The following SREK1 variants were observed in gnomAD, a reference collection of about 807,000 sequenced individuals.
SREK1 encodes the protein splicing regulatory glutamic acid and lysine rich protein 1.
A neutral mutation model predicts 66.5 loss-of-function variants in SREK1; 13 were observed. That is an observed-to-expected ratio of 0.20 (90% CI 0.13 to 0.31). SREK1 has a LOEUF of 0.31. Among genes scored for constraint, SREK1 ranks in the 10% least tolerant of loss-of-function variants. The probability of loss-of-function intolerance (pLI) is 1.00; values close to 1 mark genes in which losing one functional copy is unlikely to be tolerated. For synonymous variants in SREK1, 265 were observed against 263.5 expected, an observed-to-expected ratio of 1.01 and a Z score of -0.05; for missense variants, 607 against 769.6, an observed-to-expected ratio of 0.79 and a Z score of 2.50.
At chr5:66,155,503 G>A (rs1171660491) in intron 2 of SREK1, among the ~76,000 whole-genome samples, 2 of 152,164 alleles carry the variant, frequency 1.3e-5, no homozygotes, top group Non-Finnish European at 2.9e-5. Flanking sequence ...TACTAAAAAA[G>A]ATAGCAGAGT....
In SREK1 at chr5:66,181,000, A is replaced by G. The variant is rs1329457908; in HGVS notation, c.*2132A>G. On this transcript the variant is annotated 3_prime_UTR_variant, in exon 12 of 12. Transcript: ENST00000334121. The stretch of plus-strand genomic sequence containing the variant: ...ATGTTTGTGTGGTGTCTATAAAACA[A>G]GTCATTTAAAGTATGAGTGTTTTCT... 1 of 152,190 alleles carries G rather than the reference A, an allele frequency of 6.6e-6. No individual in the cohort carries two copies. Among genetic ancestry groups the G allele is most frequent in the Non-Finnish European group, 1.5e-5 (1 of 68,022 alleles). 9.4% of individuals were successfully genotyped at this position (152,190 alleles called of 1,614,324 possible). A position where few individuals can be genotyped will look rare whatever the true frequency, so the allele number is the denominator to read the frequency against.
chr5:66,176,979 T>C (rs972197898), intron 10 of SREK1, among the ~76,000 whole-genome samples: 1 of 152,090 alleles, frequency 6.6e-6, no homozygotes, highest in African/African-American at 2.4e-5. Context: ...ATGCAGGCCA[T>C]GTTTGTATTT....
chr5:66,164,697 T>C (rs747359481), intron 6 of SREK1, 86 bp from the exon 7 acceptor site: 8 of 1,609,972 alleles, frequency 5.0e-6, no homozygotes, highest in Non-Finnish European at 6.8e-6. Context: ...TTGCACTATA[T>C]GTGGTACATT....
At chr5:66,163,755 GGTGT>G in intron 5 of SREK1, 33 bp from the exon 6 acceptor site, 2 of 1,580,274 alleles carry the variant, frequency 1.3e-6, no homozygotes, top group South Asian at 1.1e-5. Flanking sequence ...TATAAAATGT[GGTGT>G]GTATTTGTGA....
At chr5:66,149,887 A>G (rs1361406439) in intron 1 of SREK1, among the ~76,000 whole-genome samples, 2 of 152,264 alleles carry the variant, frequency 1.3e-5, no homozygotes, top group Non-Finnish European at 2.9e-5. Context: ...TAGTACAGCC[A>G]GGCCTCATGG....
chr5:66,170,798 A>AGACAAAGAGAAGGAAAAGGAACAG lies in SREK1; in HGVS notation c.1344_1367dup (p.Lys451_Glu458dup), dbSNP rs1745582975. 6.2e-7 allele frequency: 1 copy of AGACAAAGAGAAGGAAAAGGAACAG among 1,610,638 alleles called. No homozygotes were observed. The highest frequency in any genetic ancestry group is 8.5e-7 in the Non-Finnish European group (1 of 1,178,112). The stretch of plus-strand genomic sequence containing the variant: ...GGGAAAAAGAGCATGAGAAGGATCG[A>AGACAAAGAGAAGGAAAAGGAACAG]GACAAAGAGAAGGAAAAGGAACAGG... On this transcript the variant is annotated inframe_insertion, in exon 9 of 12. Transcript: ENST00000334121.
Position 66,144,385 on chromosome 5 carries a change from C to A in SREK1, c.9C>A (p.Ser3Arg). ...ACGGCAGCGGGATCGGGATGAACAG[C>A]GGCGGCGGCTTCGGTTTGGGCTTAG... MNSGGGFGLGLGF... is the reference protein window; with the variant it reads MNRGGGFGLGLGF... The change falls in exon 1 of 12, where the codon AGC (serine) becomes AGA (arginine). Residue 3 changes from serine to arginine, a missense_variant. By Grantham distance (110) the Ser-to-Arg change is moderately radical (BLOSUM62 -1). Around this residue, in one of 5 missense-constraint regions of SREK1, gnomAD observed 75 missense variants for 72.9 expected, o/e 1.03. Transcript: ENST00000334121. 1 of 1,545,866 alleles carries A rather than the reference C, an allele frequency of 6.5e-7. No homozygotes were observed. The highest frequency in any genetic ancestry group is 8.7e-7 in the Non-Finnish European group (1 of 1,143,172).
In SREK1 at chr5:66,159,427, C is replaced by CT. The variant is rs1017427130; in HGVS notation, c.411+95dup. 5.7e-6 allele frequency: 5 copies of CT among 871,058 alleles called. No individual in the cohort carries two copies. The African/African-American group carries it at 7.2e-5, about 13-fold the overall frequency. 54.0% of individuals were successfully genotyped at this position (871,058 alleles called of 1,614,324 possible). A position where few individuals can be genotyped will look rare whatever the true frequency, so the allele number is the denominator to read the frequency against. ...TTCAGATTATTTGCATTTGGATCTT[C>CT]TTCTTTTTTTTTTTTTTAATAGAGA... On this transcript the variant is annotated intron_variant, in intron 3 of 11. Coordinates refer to ENST00000334121, the MANE Select transcript of SREK1 (RefSeq NM_001077199.3).
intron 10 of SREK1, among the ~76,000 whole-genome samples, chr5:66,176,330 T>G (rs985332316): frequency 1.3e-5 from 2 of 152,162 alleles, no homozygotes; most frequent in Non-Finnish European, 2.9e-5. Context: ...TTATTGAGAT[T>G]ATACCGTATT....
chr5:66,164,629 T>C, intron 6 of SREK1, 154 bp from the exon 7 acceptor site: 1 of 1,552,870 alleles, frequency 6.4e-7, no homozygotes, highest in Non-Finnish European at 8.7e-7. Context: ...TCAACGAGTT[T>C]ATGCAATGAC....
chr5:66,178,899 T>C lies in SREK1; in HGVS notation c.*31T>C. The C allele has an allele frequency of 2.0e-6, 3 of 1,536,082 alleles. No individual in the cohort carries two copies. Among genetic ancestry groups the C allele is most frequent in the Non-Finnish European group, 2.6e-6 (3 of 1,138,038 alleles). On this transcript the variant is annotated 3_prime_UTR_variant, in exon 12 of 12. Transcript: ENST00000334121. ...ACAAGTGTACCTCTGCACTCAATGC[T>C]GGAATCAAATCCAAAGCTTTTAATT...
In SREK1 at chr5:66,156,260, TTTTTTGTTTTTG is replaced by T. The variant is rs769428488; in HGVS notation, c.295+2681_295+2692del. The T allele has an allele frequency of 8.5e-5, 112 of 1,312,878 alleles. 1 individual carries two copies. Among genetic ancestry groups the T allele is most frequent in the East Asian group, 7.1e-4 (23 of 32,600 alleles). 81.3% of individuals were successfully genotyped at this position (1,312,878 alleles called of 1,614,324 possible). ...ATTTCTTTTTCTTTATTTTGTCCCTTTTTTTGTTTTTGTTTTTGTTTTTGTTTTGTTAAATCT... is the reference window on the plus strand; with the variant it reads ...ATTTCTTTTTCTTTATTTTGTCCCTTTTTTTGTTTTTGTTTTGTTAAATCT... On this transcript the variant is annotated intron_variant, in intron 2 of 11. Transcript: ENST00000334121.
Position 66,175,024 on chromosome 5 carries a change from A to C in SREK1, c.1563A>C (p.Arg521Ser). The C allele has an allele frequency of 6.2e-7, 1 of 1,612,162 alleles. No homozygotes were observed. Among genetic ancestry groups the C allele is most frequent in the Non-Finnish European group, 8.5e-7 (1 of 1,178,962 alleles). The change falls in exon 10 of 12, where the codon AGA (arginine) becomes AGC (serine). Residue 521 changes from arginine to serine, a missense_variant. Around this residue, in one of 5 missense-constraint regions of SREK1, gnomAD observed 318 missense variants for 310.3 expected, o/e 1.02. Transcript: ENST00000334121. The part of the protein sequence containing the change: ...TSKTIKRKSS[R>S]SPSPRSRNKK... ...AAACCATAAAAAGGAAATCTTCTAG[A>C]TCTCCGTCCCCCAGGAGGTAGGTTG...
intron 7 of SREK1, chr5:66,167,639 G>A (rs1172544591): frequency 6.6e-6 from 1 of 152,178 alleles, no homozygotes; most frequent in East Asian, 1.9e-4. Context: ...CAGTTAAAAT[G>A]TAATAATTAC....
Position 66,164,904 on chromosome 5 carries a change from A to G in SREK1, c.1001+7A>G. ...GATCACAATCAAAACACAGGTGAGA[A>G]TTTCTGCTGTCATATTTAAATTTTA... On this transcript the variant is annotated splice_region_variant and intron_variant, in intron 7 of 11. Transcript: ENST00000334121. 1 of 1,602,176 alleles carries G rather than the reference A, an allele frequency of 6.2e-7. No homozygotes were observed. Among genetic ancestry groups the G allele is most frequent in the Non-Finnish European group, 8.5e-7 (1 of 1,174,200 alleles).
At chr5:66,173,311 A>G (rs1399858225) in intron 9 of SREK1, among the ~76,000 whole-genome samples, 1 of 152,188 alleles carries the variant, frequency 6.6e-6, no homozygotes, top group Non-Finnish European at 1.5e-5. Flanking sequence ...TAATGCTTAA[A>G]TTTACTGTCA....
chr5:66,162,912 C>T (rs1451618764), intron 5 of SREK1: 2 of 178,644 alleles, frequency 1.1e-5, no homozygotes, highest in East Asian at 1.5e-4. Flanking sequence ...TGACACTAGA[C>T]TAATTGAGCA....
chr5:66,159,431 T>TTC, intron 3 of SREK1, 97 bp downstream of exon 3: 1 of 211,762 alleles, frequency 4.7e-6, no homozygotes, highest in Non-Finnish European at 8.3e-6. Context: ...GATCTTCTTC[T>TTC]TTTTTTTTTT....
At position 66,182,665 on chromosome 5, in the gene SREK1, G is replaced by C. The variant is rs1236379300; in HGVS notation, c.*3797G>C. 2.6e-5 allele frequency: 4 copies of C among 152,036 alleles called. No individual in the cohort carries two copies. Among genetic ancestry groups the C allele is most frequent in the African/African-American group, 9.7e-5 (4 of 41,386 alleles). 9.4% of individuals were successfully genotyped at this position (152,036 alleles called of 1,614,324 possible). A position where few individuals can be genotyped will look rare whatever the true frequency, so the allele number is the denominator to read the frequency against. On this transcript the variant is annotated 3_prime_UTR_variant, in exon 12 of 12. Coordinates refer to ENST00000334121, the MANE Select transcript of SREK1 (RefSeq NM_001077199.3). ...CTGCAATCTTGACCTTTCTCGGCAT[G>C]GATGATCCTCTCACCTCAGCCTCTT...
Sources: gnomAD v4.1 joint callset for allele counts (sites outside exome capture counted in the v4.1 genomes callset) on GRCh38, gnomAD v4.1.1 for gene constraint, gnomAD v4.1.1 regional missense constraint, MANE v1.5 for transcripts, NCBI Gene and HGNC (gene_info 2026-07-23, HGNC 2026-07-21) for gene names.